The following ACOX3 variants were observed in gnomAD, a reference collection of about 807,000 sequenced individuals.
ACOX3 encodes the protein peroxisomal acyl-coenzyme A oxidase 3.
ACOX3 carries 73 observed loss-of-function variants against 81.5 expected under a neutral mutation model. That is an observed-to-expected ratio of 0.90 (90% CI 0.74 to 1.09). The LOEUF (loss-of-function observed/expected upper bound fraction) is 1.09. ACOX3 is among the 50% of genes least tolerant of loss of function. The pLI is 0.00. For synonymous variants in ACOX3, 387 were observed against 375.1 expected (o/e 1.03, Z -0.37); for missense variants, 947 against 928.0 (o/e 1.02, Z -0.27).
downstream of ACOX3, among the ~76,000 whole-genome samples, chr4:8,363,302 T>C (rs1715271811): frequency 6.6e-6 from 1 of 152,244 alleles, no homozygotes; most frequent in Non-Finnish European, 1.5e-5. Flanking sequence ...ATTGCTGTTG[T>C]ACTCTTTGTG....
Position 8,410,270 on chromosome 4 carries a change from A to G in ACOX3, c.629T>C (p.Phe210Ser). The change falls in exon 6 of 18, where the codon TTT (phenylalanine) becomes TCT (serine). Residue 210 changes from phenylalanine (F) to serine (S), a missense_variant. Coordinates refer to ENST00000356406, the MANE Select transcript of ACOX3 (RefSeq NM_003501.3). ...MGKTATHAVV[F>S]AKLCVPGDQC... Reference sequence around the variant, plus strand: ...GTCCCCTGGCACACACAGCTTAGCAAACACCACCGCGTGAGTGGCTGTCTT... The same window carrying G: ...GTCCCCTGGCACACACAGCTTAGCAGACACCACCGCGTGAGTGGCTGTCTT... The G allele has an allele frequency of 6.2e-7, 1 of 1,614,110 alleles. No homozygotes were observed. Among genetic ancestry groups the G allele is most frequent in the Non-Finnish European group, 8.5e-7 (1 of 1,179,970 alleles).
chr4:8,426,450 C>A (rs989614616), intron 1 of ACOX3, among the ~76,000 whole-genome samples: 1 of 152,060 alleles, frequency 6.6e-6, no homozygotes, highest in Non-Finnish European at 1.5e-5. Context: ...TCTGCACCTG[C>A]TCTTCAAGCG....
chr4:8,413,251 A>C (rs890992473), intron 5 of ACOX3, among the ~76,000 whole-genome samples: 111 of 54,350 alleles, frequency 2.0e-3, no homozygotes, highest in South Asian at 3.0e-3. Flanking sequence ...ATCTCCCTCC[A>C]CCCCGCACCC....
chr4:8,416,227 GTC>G lies in ACOX3; in HGVS notation c.144+149_144+150del. The G allele has an allele frequency of 3.0e-6, 4 of 1,323,296 alleles. No homozygotes were observed. The highest frequency in any genetic ancestry group is 4.3e-6 in the Non-Finnish European group (4 of 934,874). The allele number at this position is 1,323,296 out of a possible 1,614,324, so 82.0% of individuals were successfully genotyped here. A position where few individuals can be genotyped will look rare whatever the true frequency, so the allele number is the denominator to read the frequency against. ...ACTCCTCATCAATTCCCTGAGGCCT[GTC>G]CTGGGGTGCAGAGAGGAGAGAGGCC... On this transcript the variant is annotated intron_variant, in intron 2 of 17. Transcript: ENST00000356406. This position sits in a 1 kb window ranked among gnomAD's most constrained non-coding sequence, Gnocchi z 4.2.
rs1207429197 is a variant in ACOX3, at chr4:8,400,257, A to G, written c.777-605T>C. 1.7e-5 allele frequency among the ~76,000 whole-genome samples: 1 copy of G among 60,236 alleles called. No individual in the cohort carries two copies. The allele number at this position is 60,236 out of a possible 152,430, so 39.5% of individuals were successfully genotyped here. A position where few individuals can be genotyped will look rare whatever the true frequency, so the allele number is the denominator to read the frequency against. ...CAGAGCAAGACTCCACCTCAATAATAATAATAATAATAATAATAATAATAA... is the reference window on the plus strand; with the variant it reads ...CAGAGCAAGACTCCACCTCAATAATGATAATAATAATAATAATAATAATAA... On this transcript the variant is annotated intron_variant, in intron 7 of 17. Coordinates refer to ENST00000356406, the MANE Select transcript of ACOX3 (RefSeq NM_003501.3). This position sits in a 1 kb window ranked among gnomAD's most constrained non-coding sequence, Gnocchi z 4.4.
chr4:8,406,064 C>G lies in ACOX3; in HGVS notation c.688-21G>C. The G allele has an allele frequency of 6.2e-7, 1 of 1,604,394 alleles. No homozygotes were observed. Among genetic ancestry groups the G allele is most frequent in the Non-Finnish European group, 8.5e-7 (1 of 1,171,454 alleles). On this transcript the variant is annotated intron_variant, in intron 6 of 17. Transcript: ENST00000356406. The surrounding 1 kb of genome is among the most constrained non-coding windows in gnomAD (Gnocchi z 5.6). ...CGGATCTATACAAAGCCACAGAAAG[C>G]AGCAAACAGCAACTGTTACAATCAC...
chr4:8,402,015 G>A (rs987530672), intron 7 of ACOX3, among the ~76,000 whole-genome samples: 3 of 152,216 alleles, frequency 2.0e-5, no homozygotes, highest in Non-Finnish European at 4.4e-5. Context: ...GGGGGCCACC[G>A]TGCATGGGGC....
In ACOX3 at chr4:8,400,250, CAAT is replaced by C. The variant is rs3068615; in HGVS notation, c.777-601_777-599del. Reference sequence around the variant, plus strand: ...TTGGTGACAGAGCAAGACTCCACCTCAATAATAATAATAATAATAATAATAATA... The same window carrying C: ...TTGGTGACAGAGCAAGACTCCACCTCAATAATAATAATAATAATAATAATA... On this transcript the variant is annotated intron_variant, in intron 7 of 17. Transcript: ENST00000356406. The surrounding 1 kb of genome is among the most constrained non-coding windows in gnomAD (Gnocchi z 4.4). Among the ~76,000 whole-genome samples the C allele has an allele frequency of 0.19, 27,871 of 146,068 alleles. 2,869 individuals are homozygous for C. Among genetic ancestry groups the C allele is most frequent in the South Asian group, 0.27 (1,225 of 4,524 alleles).
chr4:8,373,871 G>T, intron 15 of ACOX3: 1 of 570,610 alleles, frequency 1.8e-6, no homozygotes, highest in South Asian at 2.0e-5. Flanking sequence ...AGCGAGGGAG[G>T]CAAGGTCCCA....
chr4:8,412,855 T>C (rs1358284015), intron 5 of ACOX3, among the ~76,000 whole-genome samples: 4 of 151,630 alleles, frequency 2.6e-5, no homozygotes, highest in African/African-American at 9.7e-5. Context: ...AGGGCATCCA[T>C]CTGTGGCCCA....
chr4:8,386,481 G>T lies in ACOX3; in HGVS notation c.1537+2692C>A, dbSNP rs1223984659. On this transcript the variant is annotated intron_variant, in intron 13 of 17. Coordinates refer to ENST00000356406, the MANE Select transcript of ACOX3 (RefSeq NM_003501.3). This position sits in a 1 kb window ranked among gnomAD's most constrained non-coding sequence, Gnocchi z 5.2. ...CTCCGGAGGCTGAGGCAGGAGAATG[G>T]CGAGAACCTGGGAGGTGGAGCTTGC... is the stretch of plus-strand genomic sequence containing the variant. Among the ~76,000 whole-genome samples, 1 of 151,664 alleles carries T rather than the reference G, an allele frequency of 6.6e-6. No individual in the cohort carries two copies. Among genetic ancestry groups the T allele is most frequent in the East Asian group, 1.9e-4 (1 of 5,140 alleles).
chr4:8,362,691 A>C (rs535042848), downstream of ACOX3, among the ~76,000 whole-genome samples: 9 of 152,194 alleles, frequency 5.9e-5, no homozygotes, highest in Non-Finnish European at 1.3e-4. Context: ...ACCTGTGGTA[A>C]ATGAAGAATG....
At position 8,366,973 on chromosome 4, in the gene ACOX3, T is replaced by C. The variant is rs1391398855; in HGVS notation, c.2091A>G (p.Lys697=). The C allele has an allele frequency of 6.2e-7, 1 of 1,613,904 alleles. No individual in the cohort carries two copies. The highest frequency in any genetic ancestry group is 1.3e-5 in the African/African-American group (1 of 74,920). Residue 697 remains lysine (K), a synonymous_variant, in exon 18 of 18, where the codon AAA becomes AAG. Transcript: ENST00000356406. The stretch of plus-strand genomic sequence containing the variant: ...TGTGCCAGTCCCACTAGAGCTTCGA[T>C]TTCAGACTTCCTATGACAGGTTTGT... ...SVNKPVIGSL[K]SKL is the part of the protein sequence containing the mutation.
At chr4:8,396,681 A>T (rs867768247) in intron 9 of ACOX3, among the ~76,000 whole-genome samples, 25 of 126,074 alleles carry the variant, frequency 2.0e-4, no homozygotes, top group African/African-American at 7.2e-4. Context: ...CCGTCTGGGA[A>T]AAAAAAAAAA....
intron 1 of ACOX3, chr4:8,439,119 A>G (rs1724431440): frequency 6.6e-6 from 1 of 152,212 alleles, no homozygotes; most frequent in African/African-American, 2.4e-5. Flanking sequence ...ACTGTATTCA[A>G]TCTTTTTCCC....
rs1444633653 is a variant in ACOX3, at chr4:8,386,758, G to A, written c.1537+2415C>T. ...GACGCTTCCTGATGACGATGCTGAC[G>A]GTGCGGGCAGGGGAAGGCGCTGGGA... On this transcript the variant is annotated intron_variant, in intron 13 of 17. Coordinates refer to ENST00000356406, the MANE Select transcript of ACOX3 (RefSeq NM_003501.3). The surrounding 1 kb of genome is among the most constrained non-coding windows in gnomAD (Gnocchi z 5.2). Among the ~76,000 whole-genome samples the A allele has an allele frequency of 6.6e-6, 1 of 152,112 alleles. No homozygotes were observed. Among genetic ancestry groups the A allele is most frequent in the Non-Finnish European group, 1.5e-5 (1 of 68,026 alleles).
At chr4:8,395,374 G>T (rs74527955) in intron 9 of ACOX3, among the ~76,000 whole-genome samples, 1 of 145,468 alleles carries the variant, frequency 6.9e-6, no homozygotes, top group African/African-American at 2.5e-5. Flanking sequence ...GTGGACAGGT[G>T]GGGGGATGCG....
At position 8,366,401 on chromosome 4, in the gene ACOX3, G is replaced by T. The variant is rs1478357712; in HGVS notation, c.*560C>A. 6.6e-6 allele frequency: 1 copy of T among 152,278 alleles called. No homozygotes were observed. The highest frequency in any genetic ancestry group is 1.5e-5 in the Non-Finnish European group (1 of 68,100). 9.4% of individuals were successfully genotyped at this position (152,278 alleles called of 1,614,324 possible). A position where few individuals can be genotyped will look rare whatever the true frequency, so the allele number is the denominator to read the frequency against. On this transcript the variant is annotated 3_prime_UTR_variant, in exon 18 of 18. Coordinates refer to ENST00000356406, the MANE Select transcript of ACOX3 (RefSeq NM_003501.3). The stretch of plus-strand genomic sequence containing the variant: ...AACATTTCCTCGATGGAAATTTCCA[G>T]TTCCACAAAAGAAAGTAATCAAACA...
chr4:8,424,124 T>G (rs1723223407), intron 1 of ACOX3, among the ~76,000 whole-genome samples: 1 of 152,268 alleles, frequency 6.6e-6, no homozygotes, highest in Non-Finnish European at 1.5e-5. Flanking sequence ...CAGCCTATAC[T>G]GGCTTATCCT....
Sources: allele counts gnomAD v4.1 joint callset (sites outside exome capture counted in the v4.1 genomes callset), GRCh38; gene constraint gnomAD v4.1.1; non-coding constraint Gnocchi (gnomAD v3.1); transcripts MANE v1.5; gene names NCBI Gene and HGNC (gene_info 2026-07-23, HGNC 2026-07-21).